The following STEAP3 variants were observed in gnomAD, a reference collection of about 807,000 sequenced individuals.
STEAP3 encodes the protein STEAP3 metalloreductase.
Under a neutral mutation model 34.9 loss-of-function variants are expected in STEAP3, and 35 were observed. The observed-to-expected ratio is 1.00, with a 90% CI of 0.76 to 1.33. The LOEUF is 1.33. Among genes scored for constraint, STEAP3 ranks in the 40% most tolerant of loss-of-function variants. The pLI, the probability that STEAP3 is intolerant of heterozygous loss-of-function variation, is 0.00. For synonymous variants in STEAP3, 281 were observed against 301.6 expected (o/e 0.93, Z 0.71); for missense variants, 652 against 667.6 (o/e 0.98, Z 0.26).
At position 119,245,715 on chromosome 2, in the gene STEAP3, A is replaced by G. The variant is rs1210974649; in HGVS notation, c.249A>G (p.Gln83=). The change falls in exon 3 of 6, where the codon CAA becomes CAG. Residue 83 remains glutamine, a synonymous_variant. Coordinates refer to ENST00000393110, the MANE Select transcript of STEAP3 (RefSeq NM_182915.3). ...CCAGGCTGTTTCCCTCAGCGGCCCA[A>G]GTGACTTTCCAAGAGGAGGCAGTGA... is the stretch of plus-strand genomic sequence containing the variant. ...RTARLFPSAA[Q]VTFQEEAVSS... 4 of 1,614,054 alleles carry G rather than the reference A, an allele frequency of 2.5e-6. No individual in the cohort carries two copies. Among genetic ancestry groups the G allele is most frequent in the Non-Finnish European group, 3.4e-6 (4 of 1,180,034 alleles).
At position 119,230,673 on chromosome 2, in the gene STEAP3, T is replaced by C. The variant is rs1223229760; in HGVS notation, c.-340T>C. On this transcript the variant is annotated 5_prime_UTR_variant, in exon 2 of 6. Coordinates refer to ENST00000393110, the MANE Select transcript of STEAP3 (RefSeq NM_182915.3). ...GGTTCTACTGGTCGTCCCACCTCAG[T>C]TCCTGTAGCAAAGAGACTTGAGTCT... is the stretch of plus-strand genomic sequence containing the variant. 2 of 427,522 alleles carry C rather than the reference T, an allele frequency of 4.7e-6. No individual in the cohort carries two copies. The highest frequency in any genetic ancestry group is 3.9e-5 in the African/African-American group (2 of 50,726). The allele number at this position is 427,522 out of a possible 1,614,324, so 26.5% of individuals were successfully genotyped here.
rs1175292158 is a variant in STEAP3 at position 119,263,218 on chromosome 2, T to C, written c.1377T>C (p.Phe459=). The C allele has an allele frequency of 6.2e-7, 1 of 1,614,076 alleles. No individual in the cohort carries two copies. The highest frequency in any genetic ancestry group is 1.1e-5 in the South Asian group (1 of 91,064). The change falls in exon 6 of 6, where the codon TTT becomes TTC. Residue 459 remains phenylalanine (F), a synonymous_variant. Coordinates refer to ENST00000393110, the MANE Select transcript of STEAP3 (RefSeq NM_182915.3). ...TCGTCATCCTGGCCAAAGCCCTGTTTCTCCTGCCCTGCATCAGCCGCAGAC... is the reference window on the plus strand; with the variant it reads ...TCGTCATCCTGGCCAAAGCCCTGTTCCTCCTGCCCTGCATCAGCCGCAGAC... ...PCVVILAKAL[F]LLPCISRRLA...
chr2:119,244,084 T>C (rs1573555999), intron 2 of STEAP3, among the ~76,000 whole-genome samples: 1 of 152,106 alleles, frequency 6.6e-6, no homozygotes, highest in East Asian at 1.9e-4. Context: ...ACAAATGAAA[T>C]ATATTATATG....
chr2:119,242,485 G>C (rs1211000720), intron 2 of STEAP3, among the ~76,000 whole-genome samples: 1 of 152,190 alleles, frequency 6.6e-6, no homozygotes, highest in East Asian at 1.9e-4. Flanking sequence ...CCATCTGCAA[G>C]GCTCCTGGGC....
intron 2 of STEAP3, among the ~76,000 whole-genome samples, chr2:119,236,814 T>C (rs1677106675): frequency 6.6e-6 from 1 of 152,006 alleles, no homozygotes. Flanking sequence ...GCTGGTGGGG[T>C]GGACCTCAGA....
intron 5 of STEAP3, among the ~76,000 whole-genome samples, chr2:119,259,570 G>A (rs1472030833): frequency 6.6e-6 from 1 of 152,226 alleles, no homozygotes; most frequent in East Asian, 1.9e-4. Context: ...TGAACAGGAG[G>A]AGCTGACTGC....
In STEAP3 at chr2:119,255,899, A is replaced by T. The variant is rs62157678; in HGVS notation, c.1215+1051A>T. Among the ~76,000 whole-genome samples, 1,255 of 152,362 alleles carry T rather than the reference A, an allele frequency of 8.2e-3. 6 individuals are homozygous for T. The highest frequency in any genetic ancestry group is 0.014 in the Non-Finnish European group (937 of 68,032). On this transcript the variant is annotated intron_variant, in intron 5 of 5. Transcript: ENST00000393110. ...CCTGTGATGCAATAGAGAACAAGACAGGCAGAGCCATCTTTCCATGATAAA... is the reference window on the plus strand; with the variant it reads ...CCTGTGATGCAATAGAGAACAAGACTGGCAGAGCCATCTTTCCATGATAAA...
intron 5 of STEAP3, among the ~76,000 whole-genome samples, chr2:119,256,037 C>A (rs1416691487): frequency 6.6e-6 from 1 of 152,216 alleles, no homozygotes; most frequent in East Asian, 1.9e-4. Flanking sequence ...TGAGTGGGAG[C>A]TGACTAATGC....
intron 1 of STEAP3, among the ~76,000 whole-genome samples, 185 bp downstream of exon 1, chr2:119,224,073 C>A (rs1001884383): frequency 3.3e-5 from 5 of 152,214 alleles, no homozygotes; most frequent in Admixed American, 6.5e-5. Context: ...GGTTCCGGGG[C>A]CCCCACCCCG....
intron 1 of STEAP3, among the ~76,000 whole-genome samples, chr2:119,225,238 G>T (rs1208473452): frequency 6.6e-6 from 1 of 152,236 alleles, no homozygotes; most frequent in Non-Finnish European, 1.5e-5. Context: ...CTGGTGGCCT[G>T]CAGAGGGGCT....
chr2:119,228,165 G>T (rs968907879), intron 1 of STEAP3, among the ~76,000 whole-genome samples: 19 of 152,192 alleles, frequency 1.2e-4, no homozygotes, highest in African/African-American at 4.6e-4. Context: ...CTGGTGGGGT[G>T]GCCAGTAGGC....
intron 2 of STEAP3, among the ~76,000 whole-genome samples, chr2:119,235,622 C>A (rs997224310): frequency 4.6e-5 from 7 of 152,230 alleles, no homozygotes; most frequent in African/African-American, 1.7e-4. Context: ...CAAGTTTGAC[C>A]TGATGTGTCC....
At chr2:119,258,597 A>ATTTTTTTTTTTTTTTTTT (rs57364767) in intron 5 of STEAP3, among the ~76,000 whole-genome samples, 1 of 69,940 alleles carries the variant, frequency 1.4e-5, no homozygotes, top group Non-Finnish European at 2.5e-5. Flanking sequence ...TCCTTTGGGT[A>ATTTTTTTTTTTTTTTTTT]TTTTTTTTTT....
At chr2:119,254,991 C>T (rs1240845211) in intron 5 of STEAP3, 143 bp downstream of exon 5, 2 of 1,048,320 alleles carry the variant, frequency 1.9e-6, no homozygotes, top group South Asian at 1.6e-5. Context: ...GCCTTCCTGA[C>T]CCAGAGGGCC....
intron 2 of STEAP3, among the ~76,000 whole-genome samples, chr2:119,232,513 G>T (rs892476245): frequency 6.6e-5 from 10 of 152,214 alleles, no homozygotes; most frequent in African/African-American, 2.4e-4. Flanking sequence ...GCTCCTCTCT[G>T]TTGGGGAAGA....
rs57364767 is a variant in STEAP3 at position 119,258,597 on chromosome 2, A to ATT, written c.1215+3776_1215+3777dup. ...CATGTTGTTTTGTGTTCCTTTGGGT[A>ATT]TTTTTTTTTTTTTTTTTTTTTTTTT... is the stretch of plus-strand genomic sequence containing the variant. On this transcript the variant is annotated intron_variant, in intron 5 of 5. Transcript: ENST00000393110. Among the ~76,000 whole-genome samples, 34 of 69,940 alleles carry ATT rather than the reference A, an allele frequency of 4.9e-4. 1 individual carries two copies. Among genetic ancestry groups the ATT allele is most frequent in the Non-Finnish European group, 5.9e-4 (23 of 39,246 alleles). 45.9% of individuals were successfully genotyped at this position (69,940 alleles called of 152,430 possible).
intron 2 of STEAP3, chr2:119,244,309 T>A (rs1294633774): frequency 1.4e-5 from 2 of 147,246 alleles, no homozygotes; most frequent in East Asian, 4.1e-4. Context: ...AGTGGTGCGA[T>A]CACTTCAGTC....
chr2:119,263,288 T>G lies in STEAP3; in HGVS notation c.1447T>G (p.Phe483Val). 6.2e-7 allele frequency: 1 copy of G among 1,613,802 alleles called. No homozygotes were observed. The stretch of plus-strand genomic sequence containing the variant: ...CTGGGAGAGGGAGAGCACCATCAAG[T>G]TCACGCTGCCCACAGACCACGCCCT... Reference protein sequence around the residue: ...RGWERESTIKFTLPTDHALAE... With the variant: ...RGWERESTIKVTLPTDHALAE... The change falls in exon 6 of 6, where the codon TTC becomes GTC. Residue 483 changes from phenylalanine to valine, a missense_variant. By Grantham distance (50) the Phe-to-Val change is conservative. Transcript: ENST00000393110.
chr2:119,239,912 C>T (rs78093636), intron 2 of STEAP3, among the ~76,000 whole-genome samples: 3,773 of 152,214 alleles, frequency 0.025, 122 homozygotes, highest in African/African-American at 0.077. Context: ...CCACATACAA[C>T]GTTATAGGGC....
Sources: allele counts gnomAD v4.1 joint callset (sites outside exome capture counted in the v4.1 genomes callset), GRCh38; gene constraint gnomAD v4.1.1; transcripts MANE v1.5; gene names NCBI Gene and HGNC (gene_info 2026-07-23, HGNC 2026-07-21).